RNF182: variants seen among roughly 807,000 people sequenced by gnomAD.
RNF182 encodes ring finger protein 182, also known as E3 ubiquitin-protein ligase RNF182.
A neutral mutation model predicts 14.4 loss-of-function variants in RNF182; 15 were observed. That is an observed-to-expected ratio of 1.04 (90% CI 0.70 to 1.60). RNF182 has a LOEUF of 1.60. Among genes scored for constraint, RNF182 ranks in the 40% most tolerant of loss-of-function variants. The pLI is 0.00. For synonymous variants in RNF182, 128 were observed against 122.9 expected (o/e 1.04, Z -0.27); for missense variants, 268 against 294.8 (o/e 0.91, Z 0.67).
At chr6:13,939,700 C>T (rs1176323762) in intron 1 of RNF182, among the ~76,000 whole-genome samples, 5 of 152,000 alleles carry the variant, frequency 3.3e-5, no homozygotes, top group Non-Finnish European at 5.9e-5. Flanking sequence ...CCTGCCACCA[C>T]GCCTGGCTAA....
At chr6:13,958,648 A>G (rs1367713496) in intron 1 of RNF182, among the ~76,000 whole-genome samples, 1 of 152,188 alleles carries the variant, frequency 6.6e-6, no homozygotes, top group African/African-American at 2.4e-5. Context: ...TGGTTCTTAT[A>G]TTCTTATAAT....
chr6:13,947,922 A>C (rs1759480121), intron 1 of RNF182, among the ~76,000 whole-genome samples: 1 of 152,242 alleles, frequency 6.6e-6, no homozygotes, highest in African/African-American at 2.4e-5. Context: ...CATAAGTTAA[A>C]AATACTCACA....
intron 1 of RNF182, among the ~76,000 whole-genome samples, chr6:13,938,503 T>G (rs1280751931): frequency 6.6e-6 from 1 of 152,180 alleles, no homozygotes; most frequent in Non-Finnish European, 1.5e-5. Flanking sequence ...TTTTTGTGTC[T>G]TCTTTAAGAA....
chr6:13,926,245 G>A (rs1407355493), intron 1 of RNF182, among the ~76,000 whole-genome samples: 8 of 152,190 alleles, frequency 5.3e-5, no homozygotes, highest in African/African-American at 1.2e-4. Flanking sequence ...TTTTGCTAGA[G>A]AGTAATTAAT....
At chr6:13,967,901 C>A (rs997754462) in intron 1 of RNF182, among the ~76,000 whole-genome samples, 4 of 152,066 alleles carry the variant, frequency 2.6e-5, no homozygotes, top group African/African-American at 9.7e-5. Context: ...AAGGTCAAAT[C>A]ACAAGCCATC....
intron 1 of RNF182, among the ~76,000 whole-genome samples, chr6:13,963,488 C>T (rs1759932502): frequency 6.6e-6 from 1 of 152,212 alleles, no homozygotes; most frequent in Non-Finnish European, 1.5e-5. Context: ...CTCAGTGGGG[C>T]ACATTCTTCA....
chr6:13,935,283 C>T (rs1416158891), intron 1 of RNF182, among the ~76,000 whole-genome samples: 1 of 150,876 alleles, frequency 6.6e-6, no homozygotes, highest in Non-Finnish European at 1.5e-5. Context: ...ACTGTAAGCT[C>T]CAACAGGGCA....
intron 1 of RNF182, among the ~76,000 whole-genome samples, chr6:13,948,289 TCAAAA>T (rs1201615383): frequency 6.6e-6 from 1 of 152,094 alleles, no homozygotes; most frequent in Non-Finnish European, 1.5e-5. Context: ...TTGAAGAGAA[TCAAAA>T]CAAGACAATT....
At chr6:13,949,003 G>A (rs528221957) in intron 1 of RNF182, 46 of 418,244 alleles carry the variant, frequency 1.1e-4, no homozygotes, top group Non-Finnish European at 1.5e-4. Context: ...AAAATCATAC[G>A]GACAAAATCT....
chr6:13,964,695 T>G (rs280186), intron 1 of RNF182, among the ~76,000 whole-genome samples: 126,070 of 152,040 alleles, frequency 0.83, 52,783 homozygotes, highest in Middle Eastern at 0.92. Flanking sequence ...GGCATCCATT[T>G]GATGAGTCCC....
chr6:13,964,353 T>A (rs1176948168), intron 1 of RNF182, among the ~76,000 whole-genome samples: 1 of 152,168 alleles, frequency 6.6e-6, no homozygotes, highest in Admixed American at 6.5e-5. Flanking sequence ...TTGGTACATA[T>A]CTTTATGTAA....
intron 1 of RNF182, among the ~76,000 whole-genome samples, chr6:13,945,363 A>G (rs1472461428): frequency 6.6e-6 from 1 of 152,210 alleles, no homozygotes; most frequent in African/African-American, 2.4e-5. Flanking sequence ...CTTCGTTGCC[A>G]GGGCATTCTT....
chr6:13,977,573 T>G lies in RNF182; in HGVS notation c.454T>G (p.Phe152Val). The G allele has an allele frequency of 6.2e-7, 1 of 1,614,190 alleles. No individual in the cohort carries two copies. The highest frequency in any genetic ancestry group is 1.1e-5 in the South Asian group (1 of 91,080). The change falls in exon 3 of 3, where the codon TTT (phenylalanine) becomes GTT (valine). Residue 152 changes from phenylalanine to valine, a missense_variant. Physicochemically the swap from Phe to Val is conservative, Grantham distance 50. Transcript: ENST00000488300. ...CCTGAGCTCCACTCCTGTGGTAGAATTTTATAGGCCTGCGAGTTTCGACTC... is the reference window on the plus strand; with the variant it reads ...CCTGAGCTCCACTCCTGTGGTAGAAGTTTATAGGCCTGCGAGTTTCGACTC... ...PSLSSTPVVE[F>V]YRPASFDSVT...
At position 13,940,245 on chromosome 6, in the gene RNF182, G is replaced by A. The variant is rs528426969; in HGVS notation, c.-367+15222G>A. 7.9e-5 allele frequency among the ~76,000 whole-genome samples: 12 copies of A among 152,080 alleles called. No individual in the cohort carries two copies. In the East Asian group the frequency reaches 1.2e-3, roughly 15 times the overall value. On this transcript the variant is annotated intron_variant, in intron 1 of 2. Coordinates refer to ENST00000488300, the MANE Select transcript of RNF182 (RefSeq NM_152737.4). ...GTTGAGTTTTAGCAAATGATTTTCC[G>A]CATTTATCGAGATGATGATATGATT...
chr6:13,932,997 T>C (rs1265663443), intron 1 of RNF182, among the ~76,000 whole-genome samples: 1 of 152,134 alleles, frequency 6.6e-6, no homozygotes, highest in African/African-American at 2.4e-5. Flanking sequence ...GAAATTGCTG[T>C]CCGAGCATTT....
chr6:13,951,694 G>A (rs1759597658), intron 1 of RNF182, among the ~76,000 whole-genome samples: 1 of 152,142 alleles, frequency 6.6e-6, no homozygotes, highest in South Asian at 2.1e-4. Context: ...CCAGGTTTCT[G>A]GGTTACCTTT....
At chr6:13,956,314 T>A (rs1489925318) in intron 1 of RNF182, among the ~76,000 whole-genome samples, 1 of 146,046 alleles carries the variant, frequency 6.8e-6, no homozygotes, top group Non-Finnish European at 1.5e-5. Context: ...GTTCTTTGCT[T>A]TTTTTTTTTT....
intron 1 of RNF182, among the ~76,000 whole-genome samples, chr6:13,934,470 A>G (rs967773152): frequency 3.3e-5 from 5 of 152,268 alleles, no homozygotes; most frequent in Non-Finnish European, 7.3e-5. Flanking sequence ...TAATTTCATT[A>G]GATCCAAATA....
intron 1 of RNF182, among the ~76,000 whole-genome samples, chr6:13,944,116 AGAGGTGGCTCC>A (rs2113602458): frequency 6.6e-6 from 1 of 152,280 alleles, no homozygotes; most frequent in African/African-American, 2.4e-5. Context: ...TACATTTCAA[AGAGGTGGCTCC>A]CAGGTCCTTG....
Sources: allele counts gnomAD v4.1 joint callset (sites outside exome capture counted in the v4.1 genomes callset), GRCh38; gene constraint gnomAD v4.1.1; transcripts MANE v1.5; gene names NCBI Gene and HGNC (gene_info 2026-07-23, HGNC 2026-07-21).